Variants in STK11 observed in about 807,000 individuals in gnomAD.
STK11 encodes serine/threonine-protein kinase STK11.
STK11 carries 8 observed loss-of-function variants against 47.3 expected under a neutral mutation model. The ratio of observed to expected loss-of-function variants is 0.17; its 90% CI spans 0.10 to 0.31. The LOEUF (loss-of-function observed/expected upper bound fraction) is 0.31. STK11 is among the 10% of genes least tolerant of loss of function. The pLI, the probability that STK11 is intolerant of heterozygous loss-of-function variation, is 1.00. For missense variants in STK11, 475 were observed against 605.0 expected (o/e 0.79, Z 2.25); for synonymous variants, 330 against 255.8 (o/e 1.29, Z -2.77).
intron 8 of STK11, chr19:1,223,800 CCCCT>C: frequency 1.9e-6 from 2 of 1,034,248 alleles, no homozygotes; most frequent in Non-Finnish European, 2.3e-6. Flanking sequence ...TGGCAGCCAG[CCCCT>C]CCCCGCCATG....
Position 1,205,924 on chromosome 19 carries a change from T to A in STK11, c.-990T>A, listed in dbSNP as rs1218311525. ...GGATGGGCTGGGCCCCCCTCGCCGC[T>A]CCGCCTCCTCCACACGCGCGGCGGC... On this transcript the variant is annotated 5_prime_UTR_variant, in exon 1 of 10. Transcript: ENST00000326873. 6.0e-6 allele frequency: 1 copy of A among 168,054 alleles called. No homozygotes were observed. Among genetic ancestry groups the A allele is most frequent in the African/African-American group, 2.4e-5 (1 of 41,180 alleles). The allele number at this position is 168,054 out of a possible 1,614,324, so 10.4% of individuals were successfully genotyped here. A position where few individuals can be genotyped will look rare whatever the true frequency, so the allele number is the denominator to read the frequency against.
intron 8 of STK11, chr19:1,226,197 G>A (rs999310286): frequency 6.7e-6 from 9 of 1,337,168 alleles, no homozygotes; most frequent in Admixed American, 6.8e-5. Flanking sequence ...TCCCACCTGC[G>A]GCCATGGCAG....
At chr19:1,217,150 T>C (rs975133086) in intron 1 of STK11, among the ~76,000 whole-genome samples, 2 of 152,270 alleles carry the variant, frequency 1.3e-5, no homozygotes, top group African/African-American at 4.8e-5. Flanking sequence ...TTGGAGAAGC[T>C]GCAGACGCTT....
chr19:1,216,613 T>C (rs1243135570), intron 1 of STK11, among the ~76,000 whole-genome samples: 1 of 150,878 alleles, frequency 6.6e-6, no homozygotes, highest in Non-Finnish European at 1.5e-5. Context: ...GATCCTGTCA[T>C]CCCAGCGTTT....
intron 8 of STK11, chr19:1,223,965 G>A (rs1316211149): frequency 4.0e-6 from 4 of 1,010,344 alleles, no homozygotes; most frequent in African/African-American, 3.4e-5. Flanking sequence ...GGCAGGGGCC[G>A]GCCTGAGAAG....
chr19:1,209,883 G>A (rs930853553), intron 1 of STK11, among the ~76,000 whole-genome samples: 1 of 152,168 alleles, frequency 6.6e-6, no homozygotes, highest in Non-Finnish European at 1.5e-5. Context: ...GGAGGCAGAG[G>A]GGTTGGCAGG....
chr19:1,227,941 C>G lies in STK11; in HGVS notation c.*365C>G, dbSNP rs535975204. The G allele has an allele frequency of 1.4e-3, 1,450 of 1,070,252 alleles. 17 individuals carry two copies. In the African/African-American group the frequency reaches 0.021, roughly 16 times the overall value. The allele number at this position is 1,070,252 out of a possible 1,614,324, so 66.3% of individuals were successfully genotyped here. Reference sequence around the variant, plus strand: ...GCCCAGCGCCGTCCGGCGGCCCCGCCGCAGACCAGCTGGCGGGTGTGGAGA... The same window carrying G: ...GCCCAGCGCCGTCCGGCGGCCCCGCGGCAGACCAGCTGGCGGGTGTGGAGA... On this transcript the variant is annotated 3_prime_UTR_variant, in exon 10 of 10. Transcript: ENST00000326873.
rs545685344 is a variant in STK11 at position 1,213,571 on chromosome 19, A to G, written c.291-4846A>G. On this transcript the variant is annotated intron_variant, in intron 1 of 9. Coordinates refer to ENST00000326873, the MANE Select transcript of STK11 (RefSeq NM_000455.5). ...TGTCTCACGGAGTGTGCTGTCCTCA[A>G]GGGGCATCCGCGCCGTGGCCTGGGT... Among the ~76,000 whole-genome samples the G allele has an allele frequency of 1.2e-4, 18 of 152,342 alleles. No homozygotes were observed. In the East Asian group the frequency reaches 2.9e-3, roughly 24 times the overall value.
intron 1 of STK11, 69 bp downstream of exon 1, chr19:1,207,272 C>T (rs2080674553): frequency 4.6e-6 from 7 of 1,514,484 alleles, no homozygotes; most frequent in Middle Eastern, 3.6e-4. Flanking sequence ...TGTCTTCCTT[C>T]CTTCTCTCCT....
intron 2 of STK11, among the ~76,000 whole-genome samples, chr19:1,219,104 G>C (rs1410676432): frequency 6.6e-6 from 1 of 152,114 alleles, no homozygotes; most frequent in African/African-American, 2.4e-5. Context: ...GCTGCCCCAA[G>C]AGTCAGCCCT....
At chr19:1,215,037 C>T (rs1277409219) in intron 1 of STK11, among the ~76,000 whole-genome samples, 1 of 152,200 alleles carries the variant, frequency 6.6e-6, no homozygotes. Flanking sequence ...TGACCTTCAT[C>T]AGCGGGGGAG....
chr19:1,228,082 A>T lies in STK11; in HGVS notation c.*506A>T. ...TTCTTTTTTTTTTTAAGAAAAAATA[A>T]AAGGTGGATTTGAGCTGTGGCTGTG... On this transcript the variant is annotated 3_prime_UTR_variant, in exon 10 of 10. Transcript: ENST00000326873. 1 of 1,065,448 alleles carries T rather than the reference A, an allele frequency of 9.4e-7. No homozygotes were observed. Among genetic ancestry groups the T allele is most frequent in the Non-Finnish European group, 1.1e-6 (1 of 879,448 alleles). The allele number at this position is 1,065,448 out of a possible 1,614,324, so 66.0% of individuals were successfully genotyped here.
chr19:1,210,881 G>T (rs564235546), intron 1 of STK11, among the ~76,000 whole-genome samples: 18 of 151,864 alleles, frequency 1.2e-4, no homozygotes, highest in African/African-American at 4.1e-4. Flanking sequence ...AAAGGGCTGG[G>T]GCCGGGCGTG....
Position 1,206,634 on chromosome 19 carries a change from C to T in STK11, c.-280C>T, listed in dbSNP as rs893914050. On this transcript the variant is annotated 5_prime_UTR_variant, in exon 1 of 10. Coordinates refer to ENST00000326873, the MANE Select transcript of STK11 (RefSeq NM_000455.5). ...CGGGCCGTCTCCCAGTTCTGAGGCCCGGGTCCCACTGGAACTCGCGTCTGA... is the reference window on the plus strand; with the variant it reads ...CGGGCCGTCTCCCAGTTCTGAGGCCTGGGTCCCACTGGAACTCGCGTCTGA... 7 of 512,530 alleles carry T rather than the reference C, an allele frequency of 1.4e-5. No homozygotes were observed. The highest frequency in any genetic ancestry group is 2.4e-5 in the Non-Finnish European group (7 of 289,638). The allele number at this position is 512,530 out of a possible 1,614,324, so 31.7% of individuals were successfully genotyped here.
At chr19:1,218,814 T>C (rs542735942) in intron 2 of STK11, among the ~76,000 whole-genome samples, 1 of 152,182 alleles carries the variant, frequency 6.6e-6, no homozygotes, top group Non-Finnish European at 1.5e-5. Context: ...GGCTGACCGT[T>C]GTGGGCCATT....
In STK11 at chr19:1,206,739, A is replaced by G. The variant is rs952459432; in HGVS notation, c.-175A>G. On this transcript the variant is annotated 5_prime_UTR_variant, in exon 1 of 10. Coordinates refer to ENST00000326873, the MANE Select transcript of STK11 (RefSeq NM_000455.5). ...GGACTCGCAGCCGGGACTGACGTGT[A>G]GAACAATCGTTTCTGTTGGAAGAAG... 4.5e-6 allele frequency: 4 copies of G among 894,754 alleles called. No homozygotes were observed. Among genetic ancestry groups the G allele is most frequent in the Admixed American group, 5.9e-5 (2 of 34,094 alleles). 55.4% of individuals were successfully genotyped at this position (894,754 alleles called of 1,614,324 possible).
chr19:1,226,205 CAGGT>C, intron 8 of STK11: 6 of 1,351,802 alleles, frequency 4.4e-6, no homozygotes, highest in Non-Finnish European at 5.7e-6. Flanking sequence ...GCGGCCATGG[CAGGT>C]GCAACAGACG....
chr19:1,210,873 A>G (rs985654925), intron 1 of STK11, among the ~76,000 whole-genome samples: 2 of 151,778 alleles, frequency 1.3e-5, no homozygotes, highest in Non-Finnish European at 2.9e-5. Context: ...GAAAAAAAAA[A>G]GGGCTGGGGC....
intron 7 of STK11, 100 bp downstream of exon 7, chr19:1,222,106 C>T: frequency 7.1e-7 from 1 of 1,405,202 alleles, no homozygotes; most frequent in South Asian, 1.2e-5. Flanking sequence ...GTGGGGGTGC[C>T]AGGCTGGGCT....
Sources: allele counts gnomAD v4.1 joint callset (sites outside exome capture counted in the v4.1 genomes callset), GRCh38; gene constraint gnomAD v4.1.1; transcripts MANE v1.5; gene names NCBI Gene and HGNC (gene_info 2026-07-23, HGNC 2026-07-21).